Variants in PCNT observed in about 807,000 individuals in gnomAD.
PCNT encodes pericentrin.
Under a neutral mutation model 380.4 loss-of-function variants are expected in PCNT, and 319 were observed. That is an observed-to-expected ratio of 0.84 (90% CI 0.77 to 0.92). PCNT has a LOEUF of 0.92. PCNT is among the 40% of genes least tolerant of loss of function. PCNT has a pLI of 0.00. For missense variants in PCNT, 4,400 were observed against 4,255.3 expected, an observed-to-expected ratio of 1.03 and a Z score of -0.95; for synonymous variants, 1,845 against 1,735.2, an observed-to-expected ratio of 1.06 and a Z score of -1.57.
Position 46,389,010 on chromosome 21 carries a change from A to T in PCNT, c.3607+126A>T. On this transcript the variant is annotated intron_variant, in intron 18 of 46. Transcript: ENST00000359568. The stretch of plus-strand genomic sequence containing the variant: ...AGCACTGCCGTCCTGGTTTCCTGCT[A>T]GTTTCCGCACTTACAGAAGGCCGAG... The T allele has an allele frequency of 2.8e-6, 4 of 1,431,854 alleles. No individual in the cohort carries two copies. The South Asian group carries it at 3.7e-5, about 13-fold the overall frequency. 88.7% of individuals were successfully genotyped at this position (1,431,854 alleles called of 1,614,324 possible).
chr21:46,390,385 G>A (rs962655992), intron 19 of PCNT, among the ~76,000 whole-genome samples: 1 of 152,200 alleles, frequency 6.6e-6, no homozygotes, highest in Admixed American at 6.5e-5. Context: ...CCTGTAGATG[G>A]CCTGGGAGCC....
intron 17 of PCNT, among the ~76,000 whole-genome samples, chr21:46,387,958 C>T (rs909139188): frequency 6.6e-6 from 1 of 152,066 alleles, no homozygotes. Flanking sequence ...CGCTTGTAAT[C>T]CCAGCACTTT....
In PCNT at chr21:46,387,069, G is replaced by A. The variant is rs367686301; in HGVS notation, c.3464+1086G>A. The stretch of plus-strand genomic sequence containing the variant: ...TGTCCCCACTCGAGGCCTCTGGGTT[G>A]TGCTGCTGTGTCCTGAAGCTCTGAA... On this transcript the variant is annotated intron_variant, in intron 17 of 46. Transcript: ENST00000359568. 3.1e-3 allele frequency among the ~76,000 whole-genome samples: 474 copies of A among 152,312 alleles called. 3 individuals are homozygous for A. Among genetic ancestry groups the A allele is most frequent in the African/African-American group, 0.011 (453 of 41,570 alleles).
At chr21:46,363,203 C>T (rs1432551751) in intron 13 of PCNT, among the ~76,000 whole-genome samples, 2 of 152,084 alleles carry the variant, frequency 1.3e-5, no homozygotes, top group African/African-American at 4.8e-5. Flanking sequence ...GTGCTGCCTT[C>T]GGTTGTTGGT....
chr21:46,426,868 A>G (rs2087529629), intron 33 of PCNT, among the ~76,000 whole-genome samples: 1 of 152,052 alleles, frequency 6.6e-6, no homozygotes, highest in South Asian at 2.1e-4. Context: ...ACTGGGATCA[A>G]AGCTTTGTGA....
chr21:46,387,587 A>G (rs1434172614), intron 17 of PCNT, among the ~76,000 whole-genome samples: 1 of 151,998 alleles, frequency 6.6e-6, no homozygotes, highest in Non-Finnish European at 1.5e-5. Flanking sequence ...GGGGGGTGGA[A>G]GTGTGCTGGG....
At chr21:46,437,916 A>T (rs1184512203) in intron 40 of PCNT, among the ~76,000 whole-genome samples, 1 of 152,190 alleles carries the variant, frequency 6.6e-6, no homozygotes, top group Non-Finnish European at 1.5e-5. Flanking sequence ...CCACCTGTTA[A>T]TTTCAGTGCT....
intron 15 of PCNT, among the ~76,000 whole-genome samples, chr21:46,380,688 C>T (rs2085501816): frequency 6.6e-6 from 1 of 152,220 alleles, no homozygotes; most frequent in South Asian, 2.1e-4. Context: ...GGACACTCAG[C>T]CTGTGTTTTC....
In PCNT at chr21:46,381,591, G is replaced by C. The variant is rs904132419; in HGVS notation, c.3166-103G>C. 3 of 1,055,944 alleles carry C rather than the reference G, an allele frequency of 2.8e-6. No individual in the cohort carries two copies. The African/African-American group carries it at 4.7e-5, about 16-fold the overall frequency. 65.4% of individuals were successfully genotyped at this position (1,055,944 alleles called of 1,614,324 possible). On this transcript the variant is annotated intron_variant, in intron 15 of 46. Coordinates refer to ENST00000359568, the MANE Select transcript of PCNT (RefSeq NM_006031.6). ...CTCATCCCGGCTCTTGGTGCAGAGTGGGGGCTCCATGCATATCTGCTGAAT... is the reference window on the plus strand; with the variant it reads ...CTCATCCCGGCTCTTGGTGCAGAGTCGGGGCTCCATGCATATCTGCTGAAT...
At position 46,431,727 on chromosome 21, in the gene PCNT, C is replaced by T. The variant is rs762653153; in HGVS notation, c.8263C>T (p.Leu2755=). 2 of 1,612,326 alleles carry T rather than the reference C, an allele frequency of 1.2e-6. No individual in the cohort carries two copies. Among genetic ancestry groups the T allele is most frequent in the East Asian group, 2.2e-5 (1 of 44,834 alleles). The change falls in exon 38 of 47, where the codon CTG becomes TTG. Residue 2755 remains leucine, a synonymous_variant. Coordinates refer to ENST00000359568, the MANE Select transcript of PCNT (RefSeq NM_006031.6). ...CCTTGCGGCTGAGAAGAGCCGCACC[C>T]TGGAGCTGTCAGAGGCCTTGCGGCA... ...KDLAAEKSRT[L]ELSEALRHER...
Position 46,431,783 on chromosome 21 carries a change from G to A in PCNT, c.8319G>A (p.Gln2773=). ...GGCTCCTGACCGAGCAGCTGAGCCA[G>A]AGGACACAGGAGGCTTGCGTGCACC... ...HERLLTEQLS[Q]RTQEACVHQD... is the part of the protein sequence containing the mutation. Residue 2773 remains glutamine (Q), a synonymous_variant, in exon 38 of 47, where the codon CAG becomes CAA. Coordinates refer to ENST00000359568, the MANE Select transcript of PCNT (RefSeq NM_006031.6). The A allele has an allele frequency of 6.2e-7, 1 of 1,613,284 alleles. No homozygotes were observed. Among genetic ancestry groups the A allele is most frequent in the Non-Finnish European group, 8.5e-7 (1 of 1,180,040 alleles).
At chr21:46,441,171 C>T (rs1277308702) in intron 43 of PCNT, 87 bp downstream of exon 43, 3 of 816,088 alleles carry the variant, frequency 3.7e-6, no homozygotes, top group Non-Finnish European at 6.5e-6. Flanking sequence ...TCATTTTATT[C>T]CTTGAAACTC....
At chr21:46,338,328 G>T (rs2083816599) in intron 3 of PCNT, among the ~76,000 whole-genome samples, 2 of 151,930 alleles carry the variant, frequency 1.3e-5, no homozygotes, top group Admixed American at 1.3e-4. Context: ...CCAGCCTCTG[G>T]CAACCAGTGG....
At chr21:46,386,041 G>A (rs985275807) in intron 17 of PCNT, 58 bp downstream of exon 17, 1 of 1,605,820 alleles carries the variant, frequency 6.2e-7, no homozygotes, top group Admixed American at 1.7e-5. Context: ...GCTGGGTCAT[G>A]CAGATGCCAT....
Position 46,398,106 on chromosome 21 carries a change from G to T in PCNT, c.4539G>T (p.Gln1513His). The T allele has an allele frequency of 6.2e-7, 1 of 1,604,192 alleles. No individual in the cohort carries two copies. Among genetic ancestry groups the T allele is most frequent in the Non-Finnish European group, 8.5e-7 (1 of 1,176,294 alleles). ...EGQLRQAAKP[Q>H]PWGPRDSQQA... The stretch of plus-strand genomic sequence containing the variant: ...AGCTCCGCCAGGCGGCCAAGCCGCA[G>T]CCCTGGGGCCCTCGCGACAGCCAGG... The change falls in exon 23 of 47, where the codon CAG (glutamine) becomes CAT (histidine). Residue 1513 changes from glutamine to histidine, a missense_variant. By Grantham distance (24) the Gln-to-His change is conservative. Coordinates refer to ENST00000359568, the MANE Select transcript of PCNT (RefSeq NM_006031.6).
chr21:46,337,305 C>G (rs2083777194), intron 3 of PCNT, among the ~76,000 whole-genome samples: 1 of 152,076 alleles, frequency 6.6e-6, no homozygotes, highest in Admixed American at 6.6e-5. Flanking sequence ...GTTCAACTCT[C>G]CTGTAAGTGT....
intron 31 of PCNT, 139 bp from the exon 32 acceptor site, chr21:46,421,830 GT>G: frequency 1.0e-6 from 1 of 955,226 alleles, no homozygotes; most frequent in Non-Finnish European, 1.6e-6. Flanking sequence ...GGCCATCAGT[GT>G]TTTCTCCGTG....
At position 46,425,972 on chromosome 21, in the gene PCNT, G is replaced by A. The variant is rs752182794; in HGVS notation, c.7320+1G>A. The stretch of plus-strand genomic sequence containing the variant: ...CTCGCTCCATGGGGGAAAGACGCAG[G>A]TTTATTTTGCCCTTCACACACTTCT... On this transcript the variant is annotated splice_donor_variant, in intron 33 of 46. Coordinates refer to ENST00000359568, the MANE Select transcript of PCNT (RefSeq NM_006031.6). LOFTEE classifies it high-confidence loss of function. This position sits in a 1 kb window ranked among gnomAD's most constrained non-coding sequence, Gnocchi z 4.2. 1.9e-6 allele frequency: 3 copies of A among 1,612,724 alleles called. No homozygotes were observed. The highest frequency in any genetic ancestry group is 2.2e-5 in the East Asian group (1 of 44,850).
chr21:46,430,272 C>T lies in PCNT; in HGVS notation c.7913+40C>T, dbSNP rs1023161. ...CCTTCCTGGGACACTGGCGGGAGTC[C>T]CCCCGTTGTGCCATGTTTTCTTGGT... On this transcript the variant is annotated intron_variant, in intron 36 of 46. Transcript: ENST00000359568. 142,015 of 1,565,092 alleles carry T rather than the reference C, an allele frequency of 0.091. 11,715 individuals are homozygous for T. The highest frequency in any genetic ancestry group is 0.44 in the African/African-American group (32,562 of 73,914).
Sources: gnomAD v4.1 joint callset for allele counts (sites outside exome capture counted in the v4.1 genomes callset) on GRCh38, gnomAD v4.1.1 for gene constraint, Gnocchi (gnomAD v3.1) non-coding constraint, MANE v1.5 for transcripts, NCBI Gene and HGNC (gene_info 2026-07-23, HGNC 2026-07-21) for gene names.